Variants in CDK15 observed in about 807,000 individuals in gnomAD.
The protein encoded by CDK15 is cyclin-dependent kinase 15.
In CDK15, 62 loss-of-function variants were observed where a neutral mutation model predicts 60.3. The observed-to-expected ratio is 1.03, with a 90% CI of 0.84 to 1.27. The LOEUF (loss-of-function observed/expected upper bound fraction) is 1.27, where lower values mean the gene tolerates loss of function less well. Ranked by LOEUF, CDK15 falls within the 50% of genes most tolerant of loss-of-function variation. CDK15 has a pLI of 0.00. For synonymous variants in CDK15, 194 were observed against 195.7 expected (o/e 0.99, Z 0.07); for missense variants, 541 against 527.8 (o/e 1.03, Z -0.25).
chr2:201,807,529 T>G lies in CDK15; in HGVS notation c.159T>G (p.Thr53=). The G allele has an allele frequency of 2.3e-5, 37 of 1,614,200 alleles. No individual in the cohort carries two copies. Among genetic ancestry groups the G allele is most frequent in the Non-Finnish European group, 3.1e-5 (37 of 1,180,028 alleles). The change falls in exon 2 of 14, where the codon ACT becomes ACG. Residue 53 remains threonine, a synonymous_variant. Transcript: ENST00000652192. ...TDLKEASCSM[T]SFHPRGLQAA... ...TAAAAGAAGCATCATGTTCCATGAC[T>G]TCATTTCACCCCAGGGGACTTCAAG...
intron 10 of CDK15, among the ~76,000 whole-genome samples, chr2:201,870,687 C>A (rs1026859616): frequency 6.6e-6 from 1 of 152,136 alleles, no homozygotes; most frequent in African/African-American, 2.4e-5. Flanking sequence ...CATGATCATG[C>A]CAGTGTACTC....
At chr2:201,834,529 C>CATAA (rs1342685748) in intron 7 of CDK15, among the ~76,000 whole-genome samples, 2 of 152,218 alleles carry the variant, frequency 1.3e-5, no homozygotes, top group Non-Finnish European at 2.9e-5. Context: ...TATTCACACA[C>CATAA]ATAAATACAT....
In CDK15 at chr2:201,890,799, A is replaced by G. The variant is rs759284385; in HGVS notation, c.1213A>G (p.Thr405Ala). ...YQLPDEESLF[T>A]VSGVRLKPEM... ...CATTCCTACAGAGGAGTCTTTGTTT[A>G]CAGTTTCAGGAGTGAGGCTAAAGCC... Residue 405 changes from threonine (T) to alanine (A), a missense_variant, in exon 13 of 14, where the codon ACA becomes GCA. Transcript: ENST00000652192. 3.7e-6 allele frequency: 6 copies of G among 1,611,990 alleles called. No individual in the cohort carries two copies. Among genetic ancestry groups the G allele is most frequent in the African/African-American group, 1.3e-5 (1 of 75,014 alleles).
In CDK15 at chr2:201,807,582, A is replaced by G; in HGVS notation, c.212A>G (p.Lys71Arg). 2 of 1,614,186 alleles carry G rather than the reference A, an allele frequency of 1.2e-6. No homozygotes were observed. The highest frequency in any genetic ancestry group is 8.5e-7 in the Non-Finnish European group (1 of 1,180,018). ...QAARAQKFKS[K>R]RPRSNSDCFQ... ...GCCCGTGCCCAGAAGTTCAAGAGTA[A>G]AAGGCCACGGAGTAACAGTGATTGT... The change falls in exon 2 of 14, where the codon AAA becomes AGA. Residue 71 changes from lysine (K) to arginine (R), a missense_variant. Coordinates refer to ENST00000652192, the MANE Select transcript of CDK15 (RefSeq NM_001366386.2).
At chr2:201,823,117 C>G (rs1369655417) in intron 5 of CDK15, among the ~76,000 whole-genome samples, 3 of 152,194 alleles carry the variant, frequency 2.0e-5, no homozygotes, top group Non-Finnish European at 4.4e-5. Flanking sequence ...CTTTTCCCCT[C>G]ATCAGCAATA....
chr2:201,874,873 A>G (rs1366214298), intron 11 of CDK15, among the ~76,000 whole-genome samples: 1 of 152,174 alleles, frequency 6.6e-6, no homozygotes, highest in Non-Finnish European at 1.5e-5. Context: ...TGCCTACTCT[A>G]TCCCTGCCCT....
intron 8 of CDK15, among the ~76,000 whole-genome samples, chr2:201,836,148 TATATTTTATATA>T (rs1697065099): frequency 1.4e-5 from 1 of 73,586 alleles, no homozygotes; most frequent in Non-Finnish European, 2.9e-5. Context: ...ATATATTATA[TATATTTTATATA>T]TTTATATATT....
In CDK15 at chr2:201,837,423, AGGG is replaced by A. The variant is rs1321587092; in HGVS notation, c.851+1661_851+1663del. On this transcript the variant is annotated intron_variant, in intron 8 of 13. Coordinates refer to ENST00000652192, the MANE Select transcript of CDK15 (RefSeq NM_001366386.2). ...GGGAGAGGTGGGGAGGGAGGGAGGG[AGGG>A]AGGAAGGGAAGGAAGGAAGGAAAGG... 1.7e-3 allele frequency among the ~76,000 whole-genome samples: 133 copies of A among 80,088 alleles called. 2 individuals carry two copies. Among genetic ancestry groups the A allele is most frequent in the African/African-American group, 6.5e-3 (126 of 19,504 alleles). 52.5% of individuals were successfully genotyped at this position (80,088 alleles called of 152,430 possible).
chr2:201,853,210 G>A (rs902380065), intron 9 of CDK15, among the ~76,000 whole-genome samples: 5 of 152,202 alleles, frequency 3.3e-5, no homozygotes, highest in African/African-American at 1.2e-4. Flanking sequence ...ATGGATTCCA[G>A]GATTCTTAGT....
Position 201,890,891 on chromosome 2 carries a change from G to T in CDK15, c.1305G>T (p.Trp435Cys). Reference protein sequence around the residue: ...GHHPAQFSKCW With the variant: ...GHHPAQFSKCC ...ACCCAGCCCAGTTTAGCAAATGCTG[G>T]TGAAAAGAAAGGGCGAGATCACCAA... Residue 435 changes from tryptophan (W) to cysteine (C), a missense_variant, in exon 13 of 14, where the codon TGG becomes TGT. Coordinates refer to ENST00000652192, the MANE Select transcript of CDK15 (RefSeq NM_001366386.2). 11 of 1,611,536 alleles carry T rather than the reference G, an allele frequency of 6.8e-6. No homozygotes were observed. Among genetic ancestry groups the T allele is most frequent in the Non-Finnish European group, 7.6e-6 (9 of 1,178,132 alleles).
At chr2:201,836,118 ATTATATAT>A (rs1224691293) in intron 8 of CDK15, among the ~76,000 whole-genome samples, 4 of 34,918 alleles carry the variant, frequency 1.1e-4, no homozygotes, top group Non-Finnish European at 1.8e-4. Flanking sequence ...ATTTATATAT[ATTATATAT>A]TTTATATATT....
chr2:201,883,658 A>G (rs554621806), intron 12 of CDK15, among the ~76,000 whole-genome samples: 12 of 152,358 alleles, frequency 7.9e-5, no homozygotes, highest in African/African-American at 2.4e-4. Context: ...CACTTGTTGA[A>G]GGAGAAATTA....
chr2:201,873,895 A>G (rs1698961543), intron 11 of CDK15, among the ~76,000 whole-genome samples: 1 of 152,230 alleles, frequency 6.6e-6, no homozygotes, highest in African/African-American at 2.4e-5. Flanking sequence ...TCTACTAAAA[A>G]TACAAACAAT....
intron 8 of CDK15, among the ~76,000 whole-genome samples, chr2:201,835,976 A>ATTTATATTTT (rs1697006511): frequency 6.1e-5 from 2 of 32,582 alleles, no homozygotes; most frequent in South Asian, 2.9e-3. Flanking sequence ...TTATATATTT[A>ATTTATATTTT]TATATTTTTA....
chr2:201,856,009 G>C (rs1319381096), intron 10 of CDK15, among the ~76,000 whole-genome samples: 1 of 151,974 alleles, frequency 6.6e-6, no homozygotes, highest in African/African-American at 2.4e-5. Flanking sequence ...TGTATTTTTA[G>C]TAGAGATGAG....
Position 201,833,870 on chromosome 2 carries a change from G to A in CDK15, c.629G>A (p.Arg210Gln), listed in dbSNP as rs115873067. The A allele has an allele frequency of 5.0e-4, 809 of 1,613,306 alleles. 4 individuals carry two copies. The African/African-American group carries it at 9.7e-3, about 19-fold the overall frequency. Residue 210 changes from arginine to glutamine, a missense_variant, in exon 7 of 14, where the codon CGG (arginine) becomes CAG (glutamine). Coordinates refer to ENST00000652192, the MANE Select transcript of CDK15 (RefSeq NM_001366386.2). ...CAGCTTTTCATGTTTCAACTTTTGC[G>A]GGGCCTGGCGTACATCCACCACCAA... ...NVRLFMFQLL[R>Q]GLAYIHHQHV...
In CDK15 at chr2:201,850,559, G is replaced by A. The variant is rs572142109; in HGVS notation, c.945+3085G>A. Among the ~76,000 whole-genome samples, 290 of 152,290 alleles carry A rather than the reference G, an allele frequency of 1.9e-3. 1 individual carries two copies. The highest frequency in any genetic ancestry group is 3.4e-3 in the Non-Finnish European group (234 of 68,030). On this transcript the variant is annotated intron_variant, in intron 9 of 13. Coordinates refer to ENST00000652192, the MANE Select transcript of CDK15 (RefSeq NM_001366386.2). ...ACGTGATGACTTTCTCACTTTGTCC[G>A]CAGAGCAAGAAACTATAGATGCAGT...
chr2:201,837,452 AAGGAAGGAAGGAAGG>A (rs1697169158), intron 8 of CDK15, among the ~76,000 whole-genome samples: 5 of 1,308 alleles, frequency 3.8e-3, no homozygotes, highest in African/African-American at 0.026. Context: ...GAAGGAAAGG[AAGGAAGGAAGGAAGG>A]AAGGAAGGAA....
intron 11 of CDK15, among the ~76,000 whole-genome samples, chr2:201,872,664 A>G (rs775027740): frequency 6.7e-6 from 1 of 148,702 alleles, no homozygotes; most frequent in African/African-American, 2.5e-5. Context: ...TTGAGTGGCT[A>G]TTGGAGGGGG....
Sources: allele counts gnomAD v4.1 joint callset (sites outside exome capture counted in the v4.1 genomes callset), GRCh38; gene constraint gnomAD v4.1.1; transcripts MANE v1.5; gene names NCBI Gene and HGNC (gene_info 2026-07-23, HGNC 2026-07-21).